Variants in LRP1B observed in about 807,000 individuals in gnomAD.
LRP1B encodes the protein LDL receptor related protein 1B.
LRP1B carries 217 observed loss-of-function variants against 556.6 expected under a neutral mutation model. That is an observed-to-expected ratio of 0.39 (90% CI 0.35 to 0.44). LRP1B has a LOEUF of 0.44. Ranked by LOEUF, LRP1B falls within the 20% of genes least tolerant of loss-of-function variation. The pLI is 1.00. For missense variants in LRP1B, 5,053 were observed against 5,620.8 expected, an observed-to-expected ratio of 0.90 and a Z score of 3.23; for synonymous variants, 2,047 against 1,865.8, an observed-to-expected ratio of 1.10 and a Z score of -2.50.
intron 1 of LRP1B, among the ~76,000 whole-genome samples, chr2:142,070,340 C>T (rs548581047): frequency 1.3e-5 from 2 of 151,780 alleles, no homozygotes; most frequent in Non-Finnish European, 1.5e-5. Flanking sequence ...GCAGTTTATC[C>T]ACATTTTATA....
chr2:140,676,156 C>G (rs1418341143), intron 41 of LRP1B, among the ~76,000 whole-genome samples: 1 of 152,038 alleles, frequency 6.6e-6, no homozygotes, highest in Non-Finnish European at 1.5e-5. Flanking sequence ...GGAGTTATTC[C>G]AGAGTTCACA....
rs183466854 is a variant in LRP1B at position 141,854,678 on chromosome 2, A to G, written c.83-44277T>C. Reference sequence around the variant, plus strand: ...ATGCCATAAAATTGTAAGTAGGAATATTGAACAACAATGGCATAAAGGGGA... The same window carrying G: ...ATGCCATAAAATTGTAAGTAGGAATGTTGAACAACAATGGCATAAAGGGGA... On this transcript the variant is annotated intron_variant, in intron 1 of 90. Transcript: ENST00000389484. Among the ~76,000 whole-genome samples the G allele has an allele frequency of 3.1e-4, 47 of 152,216 alleles. 1 individual carries two copies. Among genetic ancestry groups the G allele is most frequent in the Admixed American group, 2.7e-3 (41 of 15,252 alleles).
chr2:140,572,146 G>T (rs1681346800), intron 43 of LRP1B, among the ~76,000 whole-genome samples: 1 of 151,612 alleles, frequency 6.6e-6, no homozygotes, highest in South Asian at 2.1e-4. Context: ...AGACAATTGG[G>T]ATTATATGAA....
chr2:141,303,795 A>C (rs1686483577), intron 3 of LRP1B, among the ~76,000 whole-genome samples: 1 of 152,120 alleles, frequency 6.6e-6, no homozygotes, highest in Non-Finnish European at 1.5e-5. Context: ...TGGATTGCTG[A>C]ATTGTATGGT....
chr2:141,638,236 G>C (rs1368156190), intron 2 of LRP1B, among the ~76,000 whole-genome samples: 1 of 151,962 alleles, frequency 6.6e-6, no homozygotes, highest in Non-Finnish European at 1.5e-5. Context: ...ACTCTGTGTG[G>C]CTCCCTCTCT....
chr2:140,364,807 C>T, intron 71 of LRP1B, 24 bp from the exon 72 acceptor site: 2 of 1,604,332 alleles, frequency 1.2e-6, no homozygotes, highest in Non-Finnish European at 1.7e-6. Flanking sequence ...CAAAAAGAAA[C>T]AAAGAGATTC....
rs112678665 is a variant in LRP1B at position 140,650,331 on chromosome 2, T to G, written c.6800-48692A>C. On this transcript the variant is annotated intron_variant, in intron 41 of 90. Coordinates refer to ENST00000389484, the MANE Select transcript of LRP1B (RefSeq NM_018557.3). ...TATTTTTATTTATTTATTTATTTAT[T>G]TATTTATTTATTTATTTATTTATTT... Among the ~76,000 whole-genome samples the G allele has an allele frequency of 4.3e-3, 570 of 131,956 alleles. 4 individuals carry two copies. Among genetic ancestry groups the G allele is most frequent in the African/African-American group, 0.015 (539 of 35,858 alleles). 86.6% of individuals were successfully genotyped at this position (131,956 alleles called of 152,430 possible).
chr2:141,175,711 T>A (rs988555992), intron 7 of LRP1B, among the ~76,000 whole-genome samples: 12 of 152,014 alleles, frequency 7.9e-5, no homozygotes, highest in Admixed American at 3.9e-4. Flanking sequence ...ACTGGGGCAC[T>A]CCCTAGTGGA....
intron 32 of LRP1B, among the ~76,000 whole-genome samples, chr2:140,777,477 T>C (rs1689539623): frequency 6.6e-6 from 1 of 152,164 alleles, no homozygotes; most frequent in African/African-American, 2.4e-5. Context: ...CAGTGTCGAA[T>C]GCCTTGCAGA....
In LRP1B at chr2:141,249,813, C is replaced by T. The variant is rs140761623; in HGVS notation, c.464-2459G>A. ...ATTCAGTAATTAGGACATTATTGTACTGATGTTGATGTAATGTAGGGAAAG... is the reference window on the plus strand; with the variant it reads ...ATTCAGTAATTAGGACATTATTGTATTGATGTTGATGTAATGTAGGGAAAG... On this transcript the variant is annotated intron_variant, in intron 4 of 90. Coordinates refer to ENST00000389484, the MANE Select transcript of LRP1B (RefSeq NM_018557.3). 1.1e-3 allele frequency among the ~76,000 whole-genome samples: 162 copies of T among 152,170 alleles called. 1 individual carries two copies. Among genetic ancestry groups the T allele is most frequent in the East Asian group, 3.9e-3 (20 of 5,164 alleles).
intron 6 of LRP1B, among the ~76,000 whole-genome samples, chr2:141,211,554 T>C (rs1244044094): frequency 2.0e-5 from 3 of 151,930 alleles, no homozygotes; most frequent in Non-Finnish European, 4.4e-5. Context: ...GAGGCAGAGG[T>C]TGCAGTGAGC....
At chr2:141,419,379 T>C (rs1336225750) in intron 3 of LRP1B, among the ~76,000 whole-genome samples, 3 of 152,206 alleles carry the variant, frequency 2.0e-5, no homozygotes, top group Non-Finnish European at 4.4e-5. Flanking sequence ...TAATATTTAG[T>C]AGAATTCATC....
At chr2:141,531,690 A>G (rs1048619824) in intron 2 of LRP1B, among the ~76,000 whole-genome samples, 1 of 152,150 alleles carries the variant, frequency 6.6e-6, no homozygotes, top group Admixed American at 6.6e-5. Context: ...ATCATGTTAC[A>G]TAAGGATGGA....
At chr2:141,473,258 T>C (rs1682550053) in intron 3 of LRP1B, among the ~76,000 whole-genome samples, 1 of 152,228 alleles carries the variant, frequency 6.6e-6, no homozygotes, top group Non-Finnish European at 1.5e-5. Context: ...AATATGCATG[T>C]GTATATACGT....
chr2:141,104,433 T>A (rs531994608), intron 7 of LRP1B, among the ~76,000 whole-genome samples: 1 of 152,188 alleles, frequency 6.6e-6, no homozygotes, highest in Admixed American at 6.6e-5. Flanking sequence ...GAACTATCAG[T>A]GCAATAAAGA....
chr2:141,582,776 G>A (rs1424221094), intron 2 of LRP1B, among the ~76,000 whole-genome samples: 1 of 149,336 alleles, frequency 6.7e-6, no homozygotes, highest in Non-Finnish European at 1.5e-5. Flanking sequence ...AAATTAGTTT[G>A]AGGATTCTGA....
chr2:141,912,140 T>C (rs1203177044), intron 1 of LRP1B, among the ~76,000 whole-genome samples: 1 of 152,200 alleles, frequency 6.6e-6, no homozygotes, highest in Non-Finnish European at 1.5e-5. Flanking sequence ...GGCAGAGTTT[T>C]ATGCACATCT....
At chr2:142,027,711 C>T (rs1352327689) in intron 1 of LRP1B, among the ~76,000 whole-genome samples, 5 of 144,004 alleles carry the variant, frequency 3.5e-5, no homozygotes, top group East Asian at 2.6e-4. Flanking sequence ...GATAAAGTAA[C>T]GTGCCCAAGA....
chr2:141,966,613 C>T (rs920059768), intron 1 of LRP1B, among the ~76,000 whole-genome samples: 4 of 151,246 alleles, frequency 2.6e-5, no homozygotes, highest in African/African-American at 9.7e-5. Flanking sequence ...CTATAAGCTA[C>T]CCTACCTGTT....
Sources: gnomAD v4.1 joint callset for allele counts (sites outside exome capture counted in the v4.1 genomes callset) on GRCh38, gnomAD v4.1.1 for gene constraint, MANE v1.5 for transcripts, NCBI Gene and HGNC (gene_info 2026-07-23, HGNC 2026-07-21) for gene names.